The following EVI5 variants were observed in gnomAD, a reference collection of about 807,000 sequenced individuals.
EVI5 encodes ecotropic viral integration site 5 protein homolog.
Under a neutral mutation model 112.0 loss-of-function variants are expected in EVI5, and 73 were observed. That is an observed-to-expected ratio of 0.65 (90% CI 0.54 to 0.79). EVI5 has a LOEUF of 0.79. EVI5 is among the 30% of genes least tolerant of loss of function. The pLI is 0.00. For missense variants in EVI5, 900 were observed against 968.8 expected, an observed-to-expected ratio of 0.93 and a Z score of 0.94; for synonymous variants, 305 against 319.9, an observed-to-expected ratio of 0.95 and a Z score of 0.50.
At chr1:92,620,346 C>CAAAA (rs541900960) in intron 16 of EVI5, among the ~76,000 whole-genome samples, 1 of 62,594 alleles carries the variant, frequency 1.6e-5, no homozygotes, top group Admixed American at 1.9e-4. Context: ...AACTCCATCT[C>CAAAA]AAAAAAAAAA....
intron 14 of EVI5, among the ~76,000 whole-genome samples, chr1:92,631,365 G>A (rs1391529264): frequency 6.6e-6 from 1 of 152,110 alleles, no homozygotes; most frequent in Non-Finnish European, 1.5e-5. Flanking sequence ...TTGAGCAGTG[G>A]TTTGTAGTTC....
At chr1:92,631,104 C>T (rs1289904108) in intron 14 of EVI5, among the ~76,000 whole-genome samples, 1 of 152,042 alleles carries the variant, frequency 6.6e-6, no homozygotes, top group African/African-American at 2.4e-5. Flanking sequence ...AGTTTGAAGT[C>T]AGGTAGTGTG....
intron 1 of EVI5, among the ~76,000 whole-genome samples, chr1:92,768,217 C>G (rs1254342200): frequency 6.6e-6 from 1 of 151,970 alleles, no homozygotes; most frequent in Non-Finnish European, 1.5e-5. Flanking sequence ...GCTCCATATA[C>G]TAGGTTACAG....
At chr1:92,703,314 T>C in intron 4 of EVI5, 81 bp downstream of exon 4, 4 of 827,100 alleles carry the variant, frequency 4.8e-6, no homozygotes, top group South Asian at 1.8e-5. Flanking sequence ...TGGTGGGAGG[T>C]CATGCTTCAT....
intron 13 of EVI5, among the ~76,000 whole-genome samples, chr1:92,656,781 G>C (rs939089858): frequency 2.0e-5 from 3 of 152,082 alleles, no homozygotes; most frequent in African/African-American, 7.2e-5. Flanking sequence ...AGAAAACCTA[G>C]AAGAAAGGGA....
chr1:92,619,124 A>G (rs1439568943), intron 16 of EVI5, among the ~76,000 whole-genome samples: 1 of 152,194 alleles, frequency 6.6e-6, no homozygotes, highest in East Asian at 1.9e-4. Context: ...AATACAAAGT[A>G]CTGATCCCGG....
Position 92,510,151 on chromosome 1 carries a change from G to A in EVI5, c.*3505C>T, listed in dbSNP as rs1659104026. 1 of 152,124 alleles carries A rather than the reference G, an allele frequency of 6.6e-6. No individual in the cohort carries two copies. Among genetic ancestry groups the A allele is most frequent in the South Asian group, 2.1e-4 (1 of 4,824 alleles). 9.4% of individuals were successfully genotyped at this position (152,124 alleles called of 1,614,324 possible). ...ATTACAAGAGTTTCAACGGATTAAG[G>A]TTTCCTTACCATGATTCTTTTAACA... On this transcript the variant is annotated 3_prime_UTR_variant, in exon 20 of 20. Transcript: ENST00000684568.
intron 19 of EVI5, among the ~76,000 whole-genome samples, chr1:92,542,378 G>A (rs976261805): frequency 6.6e-6 from 1 of 152,034 alleles, no homozygotes; most frequent in Non-Finnish European, 1.5e-5. Flanking sequence ...ACTAATTCTA[G>A]TTTTCTTGCT....
chr1:92,556,187 C>T (rs899277178), intron 19 of EVI5, among the ~76,000 whole-genome samples: 1 of 151,966 alleles, frequency 6.6e-6, no homozygotes, highest in Non-Finnish European at 1.5e-5. Context: ...CCACAGCCTC[C>T]CCAGTAGCTG....
At chr1:92,524,829 T>C (rs1211014491) in intron 19 of EVI5, among the ~76,000 whole-genome samples, 1 of 100,022 alleles carries the variant, frequency 1.0e-5, no homozygotes, top group Admixed American at 1.1e-4. Context: ...GATTAACTAC[T>C]TTTTTTTTTT....
At chr1:92,678,739 G>C (rs915626471) in intron 9 of EVI5, among the ~76,000 whole-genome samples, 1 of 151,826 alleles carries the variant, frequency 6.6e-6, no homozygotes, top group African/African-American at 2.4e-5. Flanking sequence ...TCAATACCAA[G>C]GTTACTCCAA....
chr1:92,656,536 A>ATT (rs1403991861), intron 13 of EVI5, among the ~76,000 whole-genome samples: 1 of 152,020 alleles, frequency 6.6e-6, no homozygotes, highest in Admixed American at 6.6e-5. Flanking sequence ...AACAAAGACC[A>ATT]TAGCAGAACT....
chr1:92,792,278 TTC>T (rs1686155427), intron 1 of EVI5: 1 of 1,035,346 alleles, frequency 9.7e-7, no homozygotes, highest in Admixed American at 1.8e-5. Flanking sequence ...ACAAATTACT[TTC>T]TGTTACAGCA....
rs1685416570 is a variant in EVI5, at chr1:92,784,876, C to G, written c.-122G>C. 1.0e-6 allele frequency: 1 copy of G among 985,880 alleles called. No individual in the cohort carries two copies. The highest frequency in any genetic ancestry group is 1.2e-6 in the Non-Finnish European group (1 of 830,338). 61.1% of individuals were successfully genotyped at this position (985,880 alleles called of 1,614,324 possible). A position where few individuals can be genotyped will look rare whatever the true frequency, so the allele number is the denominator to read the frequency against. ...TAGACTTCGCCGTAAACATTAACTTCCCATCCAGCCGGCAGCCGCGCCGCC... is the reference window on the plus strand; with the variant it reads ...TAGACTTCGCCGTAAACATTAACTTGCCATCCAGCCGGCAGCCGCGCCGCC... On this transcript the variant is annotated 5_prime_UTR_variant, in exon 1 of 20. Transcript: ENST00000684568.
intron 16 of EVI5, among the ~76,000 whole-genome samples, chr1:92,621,064 C>T (rs1654451653): frequency 6.6e-6 from 1 of 151,280 alleles, no homozygotes; most frequent in East Asian, 1.9e-4. Flanking sequence ...ATTGTAAAAC[C>T]TGGAACAACC....
chr1:92,548,692 T>C (rs1571455670), intron 19 of EVI5, among the ~76,000 whole-genome samples: 1 of 152,138 alleles, frequency 6.6e-6, no homozygotes, highest in Non-Finnish European at 1.5e-5. Context: ...AGCATTCTTA[T>C]ACACCAATAA....
chr1:92,611,702 A>C (rs111409233), intron 16 of EVI5, among the ~76,000 whole-genome samples: 15 of 18,852 alleles, frequency 8.0e-4, no homozygotes, highest in African/African-American at 4.3e-3. Flanking sequence ...CCGTCACAAA[A>C]AAAAAAAAAA....
chr1:92,687,531 T>C lies in EVI5; in HGVS notation c.1097+6271A>G, dbSNP rs536911475. Among the ~76,000 whole-genome samples, 4 of 152,144 alleles carry C rather than the reference T, an allele frequency of 2.6e-5. No homozygotes were observed. The South Asian group carries it at 6.2e-4, about 24-fold the overall frequency. On this transcript the variant is annotated intron_variant, in intron 9 of 19. Coordinates refer to ENST00000684568, the MANE Select transcript of EVI5 (RefSeq NM_001350197.2). ...AAAGCAATGGCAACAAAAGCCAAAA[T>C]TGACAAATGGGATCTAATTAAACTA...
intron 5 of EVI5, among the ~76,000 whole-genome samples, chr1:92,701,099 T>C (rs1046187445): frequency 6.6e-6 from 1 of 152,216 alleles, no homozygotes; most frequent in African/African-American, 2.4e-5. Flanking sequence ...ATTTTTATTA[T>C]AAATCAGTGT....
Sources: allele counts gnomAD v4.1 joint callset (sites outside exome capture counted in the v4.1 genomes callset), GRCh38; gene constraint gnomAD v4.1.1; transcripts MANE v1.5; gene names NCBI Gene and HGNC (gene_info 2026-07-23, HGNC 2026-07-21).